COL18A1: variants seen among roughly 807,000 people sequenced by gnomAD.
The protein encoded by COL18A1 is collagen alpha-1(XVIII) chain.
In COL18A1, 133 loss-of-function variants were observed where a neutral mutation model predicts 168.0. The ratio of observed to expected loss-of-function variants is 0.79; its 90% CI spans 0.69 to 0.91. The LOEUF is 0.91. Ranked by LOEUF, COL18A1 falls within the 40% of genes least tolerant of loss-of-function variation. The pLI, the probability that COL18A1 is intolerant of heterozygous loss-of-function variation, is 0.00. For synonymous variants in COL18A1, 949 were observed against 809.0 expected, an observed-to-expected ratio of 1.17 and a Z score of -2.94; for missense variants, 2,126 against 1,925.4, an observed-to-expected ratio of 1.10 and a Z score of -1.95.
At position 45,419,352 on chromosome 21, in the gene COL18A1, C is replaced by T. The variant is rs538336514; in HGVS notation, c.106+13879C>T. ...TTACATGATGCTGTGTGTAGTGATGCGCGATGCCGTGTGTGGTGACACGAT... is the reference window on the plus strand; with the variant it reads ...TTACATGATGCTGTGTGTAGTGATGTGCGATGCCGTGTGTGGTGACACGAT... On this transcript the variant is annotated intron_variant, in intron 2 of 41. Transcript: ENST00000651438. Among the ~76,000 whole-genome samples, 49 of 150,836 alleles carry T rather than the reference C, an allele frequency of 3.2e-4. No homozygotes were observed. The East Asian group carries it at 3.3e-3, about 10-fold the overall frequency.
At chr21:45,408,802 T>A (rs2123496041) in intron 2 of COL18A1, among the ~76,000 whole-genome samples, 1 of 152,198 alleles carries the variant, frequency 6.6e-6, no homozygotes, top group East Asian at 1.9e-4. Context: ...CTGTGGAGCG[T>A]ATGTTGGAGA....
intron 32 of COL18A1, among the ~76,000 whole-genome samples, chr21:45,501,476 A>T (rs931799659): frequency 9.9e-5 from 15 of 152,154 alleles, no homozygotes; most frequent in African/African-American, 3.6e-4. Context: ...GTGCAGTAGA[A>T]GCAAGTGGGA....
At chr21:45,507,862 G>A (rs1469955185) in intron 38 of COL18A1, among the ~76,000 whole-genome samples, 1 of 152,192 alleles carries the variant, frequency 6.6e-6, no homozygotes, top group Non-Finnish European at 1.5e-5. Context: ...GCCGCTCATT[G>A]CCCTCCTCAA....
intron 2 of COL18A1, among the ~76,000 whole-genome samples, chr21:45,458,099 G>T (rs2042396057): frequency 6.6e-6 from 1 of 151,102 alleles, no homozygotes; most frequent in African/African-American, 2.4e-5. Context: ...TGGAATGGAG[G>T]GGCAGGGAGG....
rs1270330878 is a variant in COL18A1, at chr21:45,508,442, A to AGTGGGTGAGTGGATGGGTGGATGGACAG, written c.3249+870_3250-866dup. On this transcript the variant is annotated intron_variant, in intron 38 of 41. Transcript: ENST00000651438. ...TGAATGGGTGGATGGATGGTGGGTA[A>AGTGGGTGAGTGGATGGGTGGATGGACAG]GTGGGTGAGTGGATGGGTGGATGGA... 7.6e-5 allele frequency among the ~76,000 whole-genome samples: 9 copies of AGTGGGTGAGTGGATGGGTGGATGGACAG among 118,860 alleles called. 1 individual carries two copies. The South Asian group carries it at 9.0e-4, about 12-fold the overall frequency. 78.0% of individuals were successfully genotyped at this position (118,860 alleles called of 152,430 possible). A position where few individuals can be genotyped will look rare whatever the true frequency, so the allele number is the denominator to read the frequency against.
chr21:45,474,014 C>T, intron 4 of COL18A1, 33 bp downstream of exon 4: 1 of 1,523,424 alleles, frequency 6.6e-7, no homozygotes, highest in Non-Finnish European at 8.9e-7. Flanking sequence ...GTGGGGTCTC[C>T]CCTCAATCCC....
rs1162990295 is a variant in COL18A1 at position 45,468,413 on chromosome 21, C to T, written c.278C>T (p.Ser93Leu). The change falls in exon 3 of 42, where the codon TCA becomes TTA. Residue 93 changes from serine to leucine, a missense_variant. Physicochemically the swap from Ser to Leu is moderately radical, Grantham distance 145. Transcript: ENST00000651438. The part of the protein sequence containing the change: ...HFPSLFFRDF[S>L]LLFHIRPATE... The stretch of plus-strand genomic sequence containing the variant: ...CCCAGCCTCTTCTTCCGTGACTTCT[C>T]ACTGCTGTTCCACATCCGGCCAGCC... 1.2e-6 allele frequency: 2 copies of T among 1,613,938 alleles called. No homozygotes were observed. The highest frequency in any genetic ancestry group is 2.2e-5 in the East Asian group (1 of 44,896).
intron 2 of COL18A1, among the ~76,000 whole-genome samples, chr21:45,445,860 A>G (rs947592306): frequency 1.6e-4 from 25 of 152,138 alleles, no homozygotes; most frequent in African/African-American, 6.0e-4. Context: ...TTCCTCACAT[A>G]TATGATTCGC....
In COL18A1 at chr21:45,439,691, C is replaced by T. The variant is rs143649885; in HGVS notation, c.107-28551C>T. Among the ~76,000 whole-genome samples, 249 of 152,340 alleles carry T rather than the reference C, an allele frequency of 1.6e-3. 1 individual carries two copies. The highest frequency in any genetic ancestry group is 5.8e-3 in the African/African-American group (240 of 41,576). On this transcript the variant is annotated intron_variant, in intron 2 of 41. Coordinates refer to ENST00000651438, the MANE Select transcript of COL18A1 (RefSeq NM_001379500.1). Reference sequence around the variant, plus strand: ...GGCCGTGTTCAGAGCGTGTTTTGCCCGGAGCTGCTGCCAGCCTGGGCGGCT... The same window carrying T: ...GGCCGTGTTCAGAGCGTGTTTTGCCTGGAGCTGCTGCCAGCCTGGGCGGCT...
rs1421639178 is a variant in COL18A1, at chr21:45,468,674, G to C, written c.539G>C (p.Cys180Ser). Reference protein sequence around the residue: ...AGGFVALYVDCEEFQRMPLAR... With the variant: ...AGGFVALYVDSEEFQRMPLAR... ...GGCTTTGTGGCCCTCTACGTGGACT[G>C]TGAGGAGTTCCAGAGAATGCCGCTT... Residue 180 changes from cysteine (C) to serine (S), a missense_variant, in exon 3 of 42, where the codon TGT becomes TCT. Physicochemically the swap from Cys to Ser is moderately radical, Grantham distance 112. Transcript: ENST00000651438. 1 of 1,613,880 alleles carries C rather than the reference G, an allele frequency of 6.2e-7. No individual in the cohort carries two copies. The highest frequency in any genetic ancestry group is 8.5e-7 in the Non-Finnish European group (1 of 1,180,006).
chr21:45,513,088 GC>G lies in COL18A1; in HGVS notation c.*692del, dbSNP rs1324725355. On this transcript the variant is annotated 3_prime_UTR_variant, in exon 42 of 42. Transcript: ENST00000651438. ...AGCCTGGGGCTGGCCTCCCAAATGA[GC>G]CATGAGATGATACATCCAAAGCAGA... 1 of 154,624 alleles carries G rather than the reference GC, an allele frequency of 6.5e-6. No homozygotes were observed. Among genetic ancestry groups the G allele is most frequent in the Non-Finnish European group, 1.4e-5 (1 of 69,710 alleles). 9.6% of individuals were successfully genotyped at this position (154,624 alleles called of 1,614,324 possible). A position where few individuals can be genotyped will look rare whatever the true frequency, so the allele number is the denominator to read the frequency against.
At chr21:45,488,259 T>TAGTA (rs1472395787) in intron 17 of COL18A1, among the ~76,000 whole-genome samples, 159 bp from the exon 18 acceptor site, 1 of 152,274 alleles carries the variant, frequency 6.6e-6, no homozygotes, top group African/African-American at 2.4e-5. Flanking sequence ...ATTGATTCCA[T>TAGTA]AGTAAGTTAG....
At chr21:45,415,829 G>A (rs1448814390) in intron 2 of COL18A1, among the ~76,000 whole-genome samples, 5 of 152,220 alleles carry the variant, frequency 3.3e-5, no homozygotes. Context: ...CAGCCAGGCG[G>A]GCATGGTGTG....
In COL18A1 at chr21:45,473,549, G is replaced by A. The variant is rs899338958; in HGVS notation, c.652-346G>A. On this transcript the variant is annotated intron_variant, in intron 3 of 41. Transcript: ENST00000651438. This position sits in a 1 kb window ranked among gnomAD's most constrained non-coding sequence, Gnocchi z 4.0. ...TGGGGGACTTGACCTGCAGCCCCTC[G>A]AATCTGCCCGCCCTCCCAGGCCTTG... Among the ~76,000 whole-genome samples, 5 of 152,078 alleles carry A rather than the reference G, an allele frequency of 3.3e-5. No individual in the cohort carries two copies. Among genetic ancestry groups the A allele is most frequent in the East Asian group, 1.9e-4 (1 of 5,170 alleles).
In COL18A1 at chr21:45,480,099, CCCAGGACCCCAAGGGCCT is replaced by C. The variant is rs764562855; in HGVS notation, c.1347_1364del (p.Gln451_Pro456del). The stretch of plus-strand genomic sequence containing the variant: ...ACCCTGGGGTTGGAGAGAGAGGGCC[CCCAGGACCCCAAGGGCCT>C]CCAGGGCCCCCAGGACCCTCCTTCA... On this transcript the variant is annotated inframe_deletion, in exon 11 of 42. Transcript: ENST00000651438. 4 of 1,608,634 alleles carry C rather than the reference CCCAGGACCCCAAGGGCCT, an allele frequency of 2.5e-6. No individual in the cohort carries two copies. Among genetic ancestry groups the C allele is most frequent in the Non-Finnish European group, 3.4e-6 (4 of 1,175,416 alleles).
chr21:45,428,501 T>G (rs1387203899), intron 2 of COL18A1, among the ~76,000 whole-genome samples: 5 of 152,224 alleles, frequency 3.3e-5, no homozygotes, highest in Non-Finnish European at 7.3e-5. Context: ...CGCATAAAAT[T>G]AACCATCTTA....
intron 2 of COL18A1, among the ~76,000 whole-genome samples, chr21:45,439,826 T>C (rs981008548): frequency 6.8e-6 from 1 of 147,578 alleles, no homozygotes; most frequent in Admixed American, 6.7e-5. Flanking sequence ...TCTGCGCCCC[T>C]GAGTGCTCAG....
chr21:45,481,916 T>A (rs761287464), intron 13 of COL18A1, 47 bp from the exon 14 acceptor site: 6 of 1,380,604 alleles, frequency 4.3e-6, no homozygotes, highest in Non-Finnish European at 6.2e-6. Flanking sequence ...GAAATCGTTT[T>A]AGTGGCCGAA....
intron 2 of COL18A1, chr21:45,455,514 C>G (rs751376691): frequency 1.2e-6 from 2 of 1,611,688 alleles, no homozygotes; most frequent in Admixed American, 3.3e-5. Flanking sequence ...GCCCGCAGCT[C>G]CAGCCGCACT....
Sources: gnomAD v4.1 joint callset for allele counts (sites outside exome capture counted in the v4.1 genomes callset) on GRCh38, gnomAD v4.1.1 for gene constraint, Gnocchi (gnomAD v3.1) non-coding constraint, MANE v1.5 for transcripts, NCBI Gene and HGNC (gene_info 2026-07-23, HGNC 2026-07-21) for gene names.